The following CCDC27 variants were observed in gnomAD, a reference collection of about 807,000 sequenced individuals.
The protein encoded by CCDC27 is coiled-coil domain containing 27, also known as coiled-coil domain-containing protein 27.
A neutral mutation model predicts 80.3 loss-of-function variants in CCDC27; 80 were observed. The ratio of observed to expected loss-of-function variants is 1.00; its 90% CI spans 0.83 to 1.20. The LOEUF (loss-of-function observed/expected upper bound fraction) is 1.20, where lower values mean the gene tolerates loss of function less well. Among genes scored for constraint, CCDC27 ranks in the 50% most tolerant of loss-of-function variants. The pLI is 0.00. For synonymous variants in CCDC27, 342 were observed against 334.3 expected (o/e 1.02, Z -0.25); for missense variants, 815 against 809.4 (o/e 1.01, Z -0.08).
Position 3,761,344 on chromosome 1 carries a change from CAGG to C in CCDC27, c.781_783del (p.Glu261del), listed in dbSNP as rs781767309. The C allele has an allele frequency of 4.3e-6, 7 of 1,614,160 alleles. No homozygotes were observed. The highest frequency in any genetic ancestry group is 3.3e-5 in the South Asian group (3 of 91,086). On this transcript the variant is annotated inframe_deletion, in exon 5 of 12. Coordinates refer to ENST00000294600, the MANE Select transcript of CCDC27 (RefSeq NM_152492.3). The surrounding 1 kb of genome is among the most constrained non-coding windows in gnomAD (Gnocchi z 5.0). ...GAAAGACGAGGAGATCCTGCTGCTC[CAGG>C]AGGAGAGGGAGGCCCTGAAGATGCA...
chr1:3,763,796 T>C lies in CCDC27; in HGVS notation c.1412T>C (p.Leu471Pro). Residue 471 changes from leucine (L) to proline (P), a missense_variant, in exon 8 of 12, where the codon CTC (leucine) becomes CCC (proline). Leu to Pro is a moderately conservative substitution (Grantham distance 98, BLOSUM62 -3). Coordinates refer to ENST00000294600, the MANE Select transcript of CCDC27 (RefSeq NM_152492.3). The surrounding 1 kb of genome is among the most constrained non-coding windows in gnomAD (Gnocchi z 7.5). Reference sequence around the variant, plus strand: ...GAAAATGAGACGCTGCAGAAGGAGCTCCGAGAGCGGAGGCAGCAGCTACAA... The same window carrying C: ...GAAAATGAGACGCTGCAGAAGGAGCCCCGAGAGCGGAGGCAGCAGCTACAA... ...NTENETLQKE[L>P]RERRQQLQAM... The C allele has an allele frequency of 6.2e-7, 1 of 1,613,996 alleles. No individual in the cohort carries two copies. The highest frequency in any genetic ancestry group is 2.2e-5 in the East Asian group (1 of 44,876).
In CCDC27 at chr1:3,763,500, G is replaced by C. The variant is rs375205752; in HGVS notation, c.1321+26G>C. The C allele has an allele frequency of 4.5e-5, 70 of 1,565,952 alleles. No homozygotes were observed. Among genetic ancestry groups the C allele is most frequent in the Non-Finnish European group, 6.0e-5 (69 of 1,155,840 alleles). On this transcript the variant is annotated intron_variant, in intron 7 of 11. Transcript: ENST00000294600. The surrounding 1 kb of genome is among the most constrained non-coding windows in gnomAD (Gnocchi z 7.5). Reference sequence around the variant, plus strand: ...GTAGGGCCTCGGCGGGGGGCACTGGGCTTTGGCCACTCAGTGGTTCCCGGC... The same window carrying C: ...GTAGGGCCTCGGCGGGGGGCACTGGCCTTTGGCCACTCAGTGGTTCCCGGC...
chr1:3,766,367 C>T lies in CCDC27; in HGVS notation c.1453-168C>T, dbSNP rs946953948. Reference sequence around the variant, plus strand: ...TACCACTCAGCCACCTTCAAACTCTCCAAAATATTTTTAGTCCTTTTTCTT... The same window carrying T: ...TACCACTCAGCCACCTTCAAACTCTTCAAAATATTTTTAGTCCTTTTTCTT... On this transcript the variant is annotated intron_variant, in intron 8 of 11. Transcript: ENST00000294600. The surrounding 1 kb of genome is among the most constrained non-coding windows in gnomAD (Gnocchi z 6.1). Among the ~76,000 whole-genome samples the T allele has an allele frequency of 6.6e-6, 1 of 152,264 alleles. No individual in the cohort carries two copies. The highest frequency in any genetic ancestry group is 1.5e-5 in the Non-Finnish European group (1 of 68,030).
chr1:3,764,412 C>T (rs1643176823), intron 8 of CCDC27, among the ~76,000 whole-genome samples: 1 of 152,142 alleles, frequency 6.6e-6, no homozygotes, highest in African/African-American at 2.4e-5. Flanking sequence ...CTCTAAATAG[C>T]ATGCTCATAG....
chr1:3,770,179 G>C (rs915036773), intron 11 of CCDC27, among the ~76,000 whole-genome samples: 1 of 152,186 alleles, frequency 6.6e-6, no homozygotes, highest in Non-Finnish European at 1.5e-5. Context: ...GCTGTGGAGA[G>C]GGGACAAGCC....
Position 3,763,380 on chromosome 1 carries a change from G to A in CCDC27, c.1227G>A (p.Glu409=). The A allele has an allele frequency of 2.5e-6, 4 of 1,613,018 alleles. No individual in the cohort carries two copies. The East Asian group carries it at 8.9e-5, about 36-fold the overall frequency. Reference sequence around the variant, plus strand: ...CCTCCCTGGCCGAGTCGTTTGAGGAGGAGCTGCTGGCCCAGCTGGAGGAGT... The same window carrying A: ...CCTCCCTGGCCGAGTCGTTTGAGGAAGAGCTGCTGGCCCAGCTGGAGGAGT... ...RASSLAESFE[E]ELLAQLEEYE... is the part of the protein sequence containing the mutation. The change falls in exon 7 of 12, where the codon GAG becomes GAA. Residue 409 remains glutamate, a synonymous_variant. Transcript: ENST00000294600. The surrounding 1 kb of genome is among the most constrained non-coding windows in gnomAD (Gnocchi z 7.5).
chr1:3,762,580 G>A, intron 5 of CCDC27, 40 bp from the exon 6 acceptor site: 2 of 1,510,510 alleles, frequency 1.3e-6, no homozygotes. Context: ...GGTGCTGCAG[G>A]AGGGGCTGGA....
At chr1:3,756,475 C>G (rs373455021) in intron 3 of CCDC27, 5 of 361,454 alleles carry the variant, frequency 1.4e-5, no homozygotes, top group Non-Finnish European at 1.5e-5. Context: ...CTGGGTGTCT[C>G]GGCCAGAGCT....
intron 8 of CCDC27, among the ~76,000 whole-genome samples, chr1:3,765,035 CAAAAA>C (rs57991746): frequency 8.7e-6 from 1 of 115,094 alleles, no homozygotes. Context: ...AACTCCATCT[CAAAAA>C]AAAAAAAAAA....
rs1643161700 is a variant in CCDC27, at chr1:3,763,911, G to A, written c.1452+75G>A. ...GCTTCATTAACCCCCGGCAGCTCGGGGCAGGCGCTGCCCGTCCCATCTACT... is the reference window on the plus strand; with the variant it reads ...GCTTCATTAACCCCCGGCAGCTCGGAGCAGGCGCTGCCCGTCCCATCTACT... On this transcript the variant is annotated intron_variant, in intron 8 of 11. Coordinates refer to ENST00000294600, the MANE Select transcript of CCDC27 (RefSeq NM_152492.3). The surrounding 1 kb of genome is among the most constrained non-coding windows in gnomAD (Gnocchi z 7.5). 9.6e-6 allele frequency: 15 copies of A among 1,556,226 alleles called. No individual in the cohort carries two copies. The highest frequency in any genetic ancestry group is 5.9e-5 in the South Asian group (5 of 84,982).
chr1:3,757,811 A>C (rs7549199), intron 4 of CCDC27, among the ~76,000 whole-genome samples: 1 of 151,740 alleles, frequency 6.6e-6, no homozygotes, highest in South Asian at 2.1e-4. Flanking sequence ...AGTCCCAGCT[A>C]CTTGGGAGGC....
In CCDC27 at chr1:3,770,781, G is replaced by A. The variant is rs577997589; in HGVS notation, c.1849-620G>A. On this transcript the variant is annotated intron_variant, in intron 11 of 11. Coordinates refer to ENST00000294600, the MANE Select transcript of CCDC27 (RefSeq NM_152492.3). ...TGTGGAGAGAGGTCTCTGCGGCCTT[G>A]GTACTGTTGTCTGGGGGAGGGGAGG... Among the ~76,000 whole-genome samples, 146 of 151,782 alleles carry A rather than the reference G, an allele frequency of 9.6e-4. 1 individual carries two copies. The highest frequency in any genetic ancestry group is 3.5e-3 in the African/African-American group (145 of 41,196).
chr1:3,756,129 C>G (rs943493072), intron 3 of CCDC27: 1 of 155,684 alleles, frequency 6.4e-6, no homozygotes, highest in African/African-American at 2.4e-5. Context: ...TCACGAGGTT[C>G]AGGAGTTCAA....
At chr1:3,767,173 C>A in intron 9 of CCDC27, 60 bp from the exon 10 acceptor site, 1 of 1,500,904 alleles carries the variant, frequency 6.7e-7, no homozygotes, top group Non-Finnish European at 9.2e-7. Context: ...GGATGGGTGC[C>A]ACACATACTC....
At position 3,763,563 on chromosome 1, in the gene CCDC27, C is replaced by T; in HGVS notation, c.1321+89C>T. On this transcript the variant is annotated intron_variant, in intron 7 of 11. Coordinates refer to ENST00000294600, the MANE Select transcript of CCDC27 (RefSeq NM_152492.3). This position sits in a 1 kb window ranked among gnomAD's most constrained non-coding sequence, Gnocchi z 7.5. ...ACGCCCAGACGCTGCCTGCTCTGGT[C>T]AGTGAGCTGGAGCAGGGGCAGGTGT... 1.3e-6 allele frequency: 2 copies of T among 1,550,408 alleles called. No homozygotes were observed. Among genetic ancestry groups the T allele is most frequent in the South Asian group, 2.5e-5 (2 of 80,782 alleles).
At position 3,771,509 on chromosome 1, in the gene CCDC27, G is replaced by A. The variant is rs199600877; in HGVS notation, c.1957G>A (p.Gly653Arg). The A allele has an allele frequency of 1.3e-4, 204 of 1,613,716 alleles. 1 individual carries two copies. The East Asian group carries it at 4.0e-3, about 31-fold the overall frequency. The change falls in exon 12 of 12, where the codon GGG becomes AGG. Residue 653 changes from glycine (G) to arginine (R), a missense_variant. Transcript: ENST00000294600. The stretch of plus-strand genomic sequence containing the variant: ...CTTCCTGACCAGCAAATCCAAGAAG[G>A]GGACCTCCAAGTAGGCCCAGCCAGG... ...EAFLTSKSKKGTSK is the reference protein window; with the variant it reads ...EAFLTSKSKKRTSK
At position 3,769,180 on chromosome 1, in the gene CCDC27, G is replaced by A. The variant is rs1241030543; in HGVS notation, c.1744-603G>A. Among the ~76,000 whole-genome samples the A allele has an allele frequency of 2.6e-5, 4 of 152,126 alleles. No homozygotes were observed. The highest frequency in any genetic ancestry group is 9.7e-5 in the African/African-American group (4 of 41,424). The stretch of plus-strand genomic sequence containing the variant: ...TCCTCTGCAGCTTCCTGGGAGGCAC[G>A]ATTAGCTACCTCTGGGGAGGCGGCT... On this transcript the variant is annotated intron_variant, in intron 10 of 11. Coordinates refer to ENST00000294600, the MANE Select transcript of CCDC27 (RefSeq NM_152492.3). The surrounding 1 kb of genome is among the most constrained non-coding windows in gnomAD (Gnocchi z 4.6).
rs1570718052 is a variant in CCDC27 at position 3,766,452 on chromosome 1, G to A, written c.1453-83G>A. ...TGCTATTATTTTAGGGAGCTTTGGG[G>A]AAGGAAAAAAGTTAGATGCCGGAAT... On this transcript the variant is annotated intron_variant, in intron 8 of 11. Transcript: ENST00000294600. This position sits in a 1 kb window ranked among gnomAD's most constrained non-coding sequence, Gnocchi z 6.1. 1.1e-6 allele frequency: 1 copy of A among 917,424 alleles called. No homozygotes were observed. 56.8% of individuals were successfully genotyped at this position (917,424 alleles called of 1,614,324 possible).
chr1:3,765,677 G>C (rs1643210524), intron 8 of CCDC27, among the ~76,000 whole-genome samples: 1 of 152,084 alleles, frequency 6.6e-6, no homozygotes, highest in Non-Finnish European at 1.5e-5. Context: ...CATACTGTTA[G>C]TTTTCTAACT....
Sources: gnomAD v4.1 joint callset for allele counts (sites outside exome capture counted in the v4.1 genomes callset) on GRCh38, gnomAD v4.1.1 for gene constraint, Gnocchi (gnomAD v3.1) non-coding constraint, MANE v1.5 for transcripts, NCBI Gene and HGNC (gene_info 2026-07-23, HGNC 2026-07-21) for gene names.